Variants in IL1RAPL1 observed in about 807,000 individuals in gnomAD.
IL1RAPL1 encodes interleukin-1 receptor accessory protein-like 1.
In IL1RAPL1, 3 loss-of-function variants were observed where a neutral mutation model predicts 48.4. The ratio of observed to expected loss-of-function variants is 0.06; its 90% confidence interval spans 0.03 to 0.16. The LOEUF (loss-of-function observed/expected upper bound fraction) is 0.16, where lower values mean the gene tolerates loss of function less well. Ranked by LOEUF, IL1RAPL1 falls within the 10% of genes least tolerant of loss-of-function variation. IL1RAPL1 has a pLI of 1.00. For synonymous variants in IL1RAPL1, 185 were observed against 187.7 expected (o/e 0.99, Z 0.12); for missense variants, 349 against 530.6 (o/e 0.66, Z 3.36).
At chrX:29,819,236 G>A (rs1930557974) in intron 6 of IL1RAPL1, among the ~76,000 whole-genome samples, 1 of 111,514 alleles carries the variant, frequency 9.0e-6, no homozygotes. Context: ...ACTGCTAAAA[G>A]TCAAGTAGGA....
At chrX:28,943,238 G>A (rs771827010) in intron 2 of IL1RAPL1, among the ~76,000 whole-genome samples, 2 of 108,646 alleles carry the variant, frequency 1.8e-5, no homozygotes, top group Admixed American at 2.0e-4. Context: ...TGGAATCTGT[G>A]TTGAATGTTT....
At chrX:28,953,777 A>G (rs1924531859) in intron 2 of IL1RAPL1, among the ~76,000 whole-genome samples, 1 of 111,358 alleles carries the variant, frequency 9.0e-6, no homozygotes, top group East Asian at 2.8e-4. Flanking sequence ...GATACAAACA[A>G]AAGTTTAGTT....
Position 29,451,906 on chromosome X carries a change from A to G in IL1RAPL1, c.703+52598A>G, listed in dbSNP as rs754407586. ...TAGTCCTATAATTTATCTTAATAAG[A>G]AAGGAGTACAGGTTTCAATGCAGCA... On this transcript the variant is annotated intron_variant, in intron 5 of 10. Coordinates refer to ENST00000378993, the MANE Select transcript of IL1RAPL1 (RefSeq NM_014271.4). Among the ~76,000 whole-genome samples the G allele has an allele frequency of 2.1e-3, 231 of 112,106 alleles. 1 individual carries two copies. The highest frequency in any genetic ancestry group is 4.6e-3 in the Admixed American group (49 of 10,547).
At chrX:28,796,157 CCT>C (rs1237525995) in intron 2 of IL1RAPL1, among the ~76,000 whole-genome samples, 1 of 111,854 alleles carries the variant, frequency 8.9e-6, no homozygotes, top group Non-Finnish European at 1.9e-5. Flanking sequence ...AATTTAATCA[CCT>C]CCCACTGGGT....
chrX:28,852,784 A>G (rs1232122491), intron 2 of IL1RAPL1, among the ~76,000 whole-genome samples: 5 of 111,423 alleles, frequency 4.5e-5, no homozygotes, highest in African/African-American at 1.6e-4. Flanking sequence ...TTTACAGGGT[A>G]ATGGTTAAGC....
intron 1 of IL1RAPL1, among the ~76,000 whole-genome samples, chrX:28,738,854 A>G (rs895317226): frequency 1.6e-4 from 18 of 111,306 alleles, no homozygotes; most frequent in Admixed American, 1.4e-3. Context: ...TATCATTCCT[A>G]GGTAATTGTT....
At chrX:29,825,450 G>C (rs1432821691) in intron 6 of IL1RAPL1, among the ~76,000 whole-genome samples, 1 of 111,457 alleles carries the variant, frequency 9.0e-6, no homozygotes, top group Non-Finnish European at 1.9e-5. Flanking sequence ...GATGTCCCTA[G>C]TTTCCTTTCT....
intron 1 of IL1RAPL1, among the ~76,000 whole-genome samples, chrX:28,788,433 G>T (rs980865234): frequency 6.3e-5 from 7 of 111,216 alleles, no homozygotes; most frequent in Non-Finnish European, 1.9e-5. Context: ...ATAATAGAAA[G>T]AAATGATTTT....
intron 6 of IL1RAPL1, among the ~76,000 whole-genome samples, chrX:29,766,787 A>G (rs2147148918): frequency 9.6e-6 from 1 of 104,571 alleles, no homozygotes; most frequent in South Asian, 3.8e-4. Flanking sequence ...ATATAAATAT[A>G]AATTATATAA....
intron 1 of IL1RAPL1, among the ~76,000 whole-genome samples, chrX:28,713,489 T>C (rs1935465118): frequency 8.9e-6 from 1 of 111,830 alleles, no homozygotes; most frequent in African/African-American, 3.2e-5. Context: ...TTTAATATTA[T>C]GCCTAATGTT....
chrX:29,925,448 T>TGGG (rs147953597), intron 8 of IL1RAPL1, among the ~76,000 whole-genome samples: 1 of 44,684 alleles, frequency 2.2e-5, no homozygotes, highest in African/African-American at 9.7e-5. Context: ...TTTTTTTTGC[T>TGGG]GGGGGGGGCT....
intron 7 of IL1RAPL1, 60 bp from the exon 8 acceptor site, chrX:29,919,889 T>C: frequency 9.2e-7 from 1 of 1,084,213 alleles, no homozygotes; most frequent in Non-Finnish European, 1.3e-6. Flanking sequence ...TCTACATTTC[T>C]TTCTTGTTTG....
At chrX:29,104,763 CAAAA>C (rs11312261) in intron 2 of IL1RAPL1, among the ~76,000 whole-genome samples, 1 of 108,149 alleles carries the variant, frequency 9.2e-6, no homozygotes, top group Non-Finnish European at 1.9e-5. Context: ...TATGTACCCA[CAAAA>C]AAAAATTTAA....
chrX:28,874,886 C>G (rs747020409), intron 2 of IL1RAPL1, among the ~76,000 whole-genome samples: 4 of 111,806 alleles, frequency 3.6e-5, no homozygotes, highest in Non-Finnish European at 7.5e-5. Flanking sequence ...TTGAGGTTAT[C>G]CAGATAGAAG....
chrX:28,934,170 A>G (rs1388119225), intron 2 of IL1RAPL1, among the ~76,000 whole-genome samples: 1 of 110,999 alleles, frequency 9.0e-6, no homozygotes, highest in Non-Finnish European at 1.9e-5. Flanking sequence ...CTCCTAGTCA[A>G]AATGGAGTCA....
intron 2 of IL1RAPL1, among the ~76,000 whole-genome samples, chrX:29,268,860 GAC>G (rs1356516234): frequency 8.9e-6 from 1 of 111,750 alleles, no homozygotes; most frequent in African/African-American, 3.2e-5. Flanking sequence ...GTCCAGAAGT[GAC>G]ACAGACTAAA....
chrX:28,914,242 G>T (rs1181823183), intron 2 of IL1RAPL1, among the ~76,000 whole-genome samples: 2 of 110,477 alleles, frequency 1.8e-5, no homozygotes, highest in African/African-American at 6.6e-5. Flanking sequence ...TCTATACTTA[G>T]GACTCTATAC....
At chrX:29,481,523 G>T (rs553751912) in intron 5 of IL1RAPL1, among the ~76,000 whole-genome samples, 3 of 112,487 alleles carry the variant, frequency 2.7e-5, no homozygotes, top group African/African-American at 9.7e-5. Context: ...AGGTGCTGGT[G>T]TGGAGAATCT....
At chrX:29,433,770 G>T in intron 5 of IL1RAPL1, among the ~76,000 whole-genome samples, 1 of 110,424 alleles carries the variant, frequency 9.1e-6, no homozygotes, top group African/African-American at 3.3e-5. Context: ...TTTTAAGTAA[G>T]CATATTGGCT....
Sources: gnomAD v4.1 joint callset for allele counts (sites outside exome capture counted in the v4.1 genomes callset) on GRCh38, gnomAD v4.1.1 for gene constraint, MANE v1.5 for transcripts, NCBI Gene and HGNC (gene_info 2026-07-23, HGNC 2026-07-21) for gene names.